Variants in CS observed in about 807,000 individuals in gnomAD.
CS encodes citrate synthase, mitochondrial.
A neutral mutation model predicts 61.4 loss-of-function variants in CS; 13 were observed. That is an observed-to-expected ratio of 0.21 (90% CI 0.14 to 0.34). The LOEUF (loss-of-function observed/expected upper bound fraction) is 0.34, where lower values mean the gene tolerates loss of function less well. Among genes scored for constraint, CS ranks in the 10% least tolerant of loss-of-function variants. The probability of loss-of-function intolerance (pLI) is 1.00; values close to 1 mark genes in which losing one functional copy is unlikely to be tolerated. For synonymous variants in CS, 159 were observed against 215.2 expected (o/e 0.74, Z 2.29); for missense variants, 278 against 573.4 (o/e 0.48, Z 5.26).
rs1370041798 is a variant in CS at position 56,273,012 on chromosome 12, C to G, written c.*72G>C. On this transcript the variant is annotated 3_prime_UTR_variant, in exon 11 of 11. Coordinates refer to ENST00000351328, the MANE Select transcript of CS (RefSeq NM_004077.3). ...TTTAATCTTAAGTCTTTAAAGGCCC[C>G]CTGAAACAAAAGTATACTTTTTATT... 5.4e-6 allele frequency: 6 copies of G among 1,108,618 alleles called. No homozygotes were observed. Among genetic ancestry groups the G allele is most frequent in the Non-Finnish European group, 7.8e-6 (6 of 767,294 alleles). The allele number at this position is 1,108,618 out of a possible 1,614,324, so 68.7% of individuals were successfully genotyped here.
intron 1 of CS, among the ~76,000 whole-genome samples, chr12:56,298,989 C>T (rs1367696226): frequency 1.3e-5 from 2 of 151,786 alleles, no homozygotes; most frequent in African/African-American, 2.4e-5. Context: ...CTGCAGGGAG[C>T]CTTGGTCACA....
At chr12:56,289,155 C>T (rs1873035930) in intron 1 of CS, among the ~76,000 whole-genome samples, 1 of 152,214 alleles carries the variant, frequency 6.6e-6, no homozygotes, top group Admixed American at 6.5e-5. Context: ...GCAGCACAAA[C>T]AGCCCTTCAT....
chr12:56,273,124 G>A lies in CS; in HGVS notation c.1361C>T (p.Thr454Ile). ...GTCCACAAACTTCATCAGACCCTCTGTGCTCATGGACTTGGGCCTTTCTAG... is the reference window on the plus strand; with the variant it reads ...GTCCACAAACTTCATCAGACCCTCTATGCTCATGGACTTGGGCCTTTCTAG... ...FPLERPKSMSTEGLMKFVDSK... is the reference protein window; with the variant it reads ...FPLERPKSMSIEGLMKFVDSK... Residue 454 changes from threonine to isoleucine, a missense_variant, in exon 11 of 11, where the codon ACA becomes ATA. Thr to Ile is a moderately conservative substitution (Grantham distance 89). This residue lies in a region of CS where 223 missense variants were observed against 503.5 expected (regional missense o/e 0.44). Transcript: ENST00000351328. The A allele has an allele frequency of 6.2e-7, 1 of 1,613,790 alleles. No homozygotes were observed. Among genetic ancestry groups the A allele is most frequent in the Non-Finnish European group, 8.5e-7 (1 of 1,179,772 alleles).
At chr12:56,294,024 C>T (rs866409634) in intron 1 of CS, among the ~76,000 whole-genome samples, 2 of 152,224 alleles carry the variant, frequency 1.3e-5, no homozygotes, top group South Asian at 4.1e-4. Flanking sequence ...TGTTTCACAA[C>T]GGTGATACTG....
At chr12:56,298,640 C>T (rs1490511661) in intron 1 of CS, 1 of 985,414 alleles carries the variant, frequency 1.0e-6, no homozygotes, top group East Asian at 1.1e-4. Flanking sequence ...AAGCAACAGC[C>T]AAGTAAGACA....
At chr12:56,275,569 TAAAA>T (rs769377638) in intron 7 of CS, 127 of 106,910 alleles carry the variant, frequency 1.2e-3, no homozygotes, top group South Asian at 4.1e-3. Flanking sequence ...AGACTCCATC[TAAAA>T]AAAAAAAAAA....
At chr12:56,287,379 G>C (rs1383808446) in intron 1 of CS, among the ~76,000 whole-genome samples, 1 of 146,918 alleles carries the variant, frequency 6.8e-6, no homozygotes, top group Non-Finnish European at 1.5e-5. Flanking sequence ...CTACTCAGGA[G>C]ACTGAGGTGG....
At chr12:56,285,120 T>C in intron 3 of CS, 1 of 209,882 alleles carries the variant, frequency 4.8e-6, no homozygotes, top group South Asian at 5.3e-5. Flanking sequence ...AATTTTTATA[T>C]TTTTTAGTAG....
chr12:56,293,978 G>T (rs1280490925), intron 1 of CS, among the ~76,000 whole-genome samples: 1 of 152,194 alleles, frequency 6.6e-6, no homozygotes, highest in African/African-American at 2.4e-5. Flanking sequence ...TCTCTCCCCA[G>T]AACCAGGTCA....
intron 1 of CS, among the ~76,000 whole-genome samples, chr12:56,293,107 AAAAAC>A (rs888834508): frequency 1.3e-5 from 2 of 152,206 alleles, no homozygotes; most frequent in African/African-American, 4.8e-5. Context: ...CTCTGTCTCA[AAAAAC>A]AAAACAAAAC....
chr12:56,273,999 T>A, intron 9 of CS: 4 of 175,544 alleles, frequency 2.3e-5, no homozygotes, highest in Non-Finnish European at 3.7e-5. Flanking sequence ...ACATCTGGCT[T>A]TTTTTTTTTT....
chr12:56,284,948 C>CT (rs544119115), intron 3 of CS, among the ~76,000 whole-genome samples: 58 of 140,670 alleles, frequency 4.1e-4, no homozygotes, highest in Non-Finnish European at 5.6e-4. Context: ...CAAGGCTGAT[C>CT]TTTTTTTTTT....
chr12:56,286,826 G>A (rs1283421060), intron 1 of CS, among the ~76,000 whole-genome samples, 181 bp from the exon 2 acceptor site: 7 of 152,182 alleles, frequency 4.6e-5, no homozygotes, highest in Non-Finnish European at 8.8e-5. Flanking sequence ...GGAGACAGCA[G>A]GAGGTTTAAC....
At chr12:56,278,359 C>T (rs753866392) in intron 6 of CS, among the ~76,000 whole-genome samples, 3 of 152,272 alleles carry the variant, frequency 2.0e-5, no homozygotes, top group South Asian at 2.1e-4. Flanking sequence ...AACTCCTGAC[C>T]TCAGGTTATC....
chr12:56,284,147 C>T (rs1872858414), intron 3 of CS, among the ~76,000 whole-genome samples: 1 of 151,478 alleles, frequency 6.6e-6, no homozygotes, highest in East Asian at 1.9e-4. Flanking sequence ...AGGGTGAAAC[C>T]ATGTCTCTAC....
intron 5 of CS, 123 bp from the exon 6 acceptor site, chr12:56,282,731 A>G (rs1872811531): frequency 2.0e-6 from 3 of 1,532,606 alleles, no homozygotes; most frequent in Non-Finnish European, 2.7e-6. Context: ...TTTATACAGC[A>G]GAACTCTGCT....
At chr12:56,277,308 G>A (rs1872649786) in intron 6 of CS, among the ~76,000 whole-genome samples, 1 of 150,964 alleles carries the variant, frequency 6.6e-6, no homozygotes, top group Non-Finnish European at 1.5e-5. Context: ...GACCATCCTG[G>A]CTAACACGGT....
At chr12:56,291,155 T>C in intron 1 of CS, 1 of 819,992 alleles carries the variant, frequency 1.2e-6, no homozygotes, top group Non-Finnish European at 1.7e-6. Context: ...TCTAGAACAG[T>C]GCTTTGTGCA....
At chr12:56,288,177 A>T (rs1873001338) in intron 1 of CS, among the ~76,000 whole-genome samples, 1 of 152,128 alleles carries the variant, frequency 6.6e-6, no homozygotes, top group Non-Finnish European at 1.5e-5. Flanking sequence ...AGTGCTTTGC[A>T]GACTTAGAAG....
Sources: allele counts gnomAD v4.1 joint callset (sites outside exome capture counted in the v4.1 genomes callset), GRCh38; gene constraint gnomAD v4.1.1; regional missense constraint gnomAD v4.1.1; transcripts MANE v1.5; gene names NCBI Gene and HGNC (gene_info 2026-07-23, HGNC 2026-07-21).